The following PIK3R5 variants were observed in gnomAD, a reference collection of about 807,000 sequenced individuals.
PIK3R5 encodes phosphoinositide 3-kinase regulatory subunit 5.
A neutral mutation model predicts 94.9 loss-of-function variants in PIK3R5; 32 were observed. That is an observed-to-expected ratio of 0.34 (90% CI 0.25 to 0.45). The LOEUF is 0.45. Among genes scored for constraint, PIK3R5 ranks in the 20% least tolerant of loss-of-function variants. PIK3R5 has a pLI of 1.00. For missense variants in PIK3R5, 853 were observed against 1,144.6 expected, an observed-to-expected ratio of 0.75 and a Z score of 3.68; for synonymous variants, 443 against 479.4, an observed-to-expected ratio of 0.92 and a Z score of 0.99.
At chr17:8,931,518 C>T (rs1405024299) in intron 1 of PIK3R5, among the ~76,000 whole-genome samples, 1 of 152,116 alleles carries the variant, frequency 6.6e-6, no homozygotes, top group East Asian at 1.9e-4. Context: ...GAAGGCACTT[C>T]CGTTGTTTGA....
At chr17:8,924,626 G>T (rs1170620982) in intron 1 of PIK3R5, among the ~76,000 whole-genome samples, 1 of 152,044 alleles carries the variant, frequency 6.6e-6, no homozygotes, top group African/African-American at 2.4e-5. Context: ...TCCAACAGCA[G>T]GTCATTGTTC....
rs892595710 is a variant in PIK3R5 at position 8,888,015 on chromosome 17, A to AATAATG, written c.1616+155_1616+156insCATTAT. 1.5e-5 allele frequency among the ~76,000 whole-genome samples: 2 copies of AATAATG among 130,144 alleles called. No individual in the cohort carries two copies. The highest frequency in any genetic ancestry group is 7.6e-5 in the Admixed American group (1 of 13,116). The allele number at this position is 130,144 out of a possible 152,430, so 85.4% of individuals were successfully genotyped here. On this transcript the variant is annotated intron_variant, in intron 10 of 18. Transcript: ENST00000447110. This position sits in a 1 kb window ranked among gnomAD's most constrained non-coding sequence, Gnocchi z 7.8. ...GACTCTGTCTCAAAATAATAATAAT[A>AATAATG]ATAATAATAATAATAATAATAATAA...
intron 1 of PIK3R5, among the ~76,000 whole-genome samples, chr17:8,954,051 T>C (rs1212244523): frequency 6.7e-6 from 1 of 149,308 alleles, no homozygotes; most frequent in Non-Finnish European, 1.5e-5. Context: ...AAGTGCTCTT[T>C]CCTCTGCAAA....
chr17:8,950,905 C>A (rs73254505), intron 1 of PIK3R5, among the ~76,000 whole-genome samples: 3 of 152,122 alleles, frequency 2.0e-5, no homozygotes, highest in Non-Finnish European at 4.4e-5. Flanking sequence ...AACTAATTTA[C>A]GCTCCCACCA....
intron 1 of PIK3R5, among the ~76,000 whole-genome samples, chr17:8,929,286 C>T (rs989389255): frequency 1.3e-5 from 2 of 152,008 alleles, no homozygotes; most frequent in African/African-American, 2.4e-5. Context: ...TAAAACATAA[C>T]CCAACCATTT....
At chr17:8,921,825 CT>C (rs969050685) in intron 1 of PIK3R5, among the ~76,000 whole-genome samples, 16 of 152,024 alleles carry the variant, frequency 1.1e-4, no homozygotes, top group Non-Finnish European at 7.4e-5. Flanking sequence ...CTATAAAACT[CT>C]TAGAAGAAAA....
Position 8,890,930 on chromosome 17 carries a change from C to A in PIK3R5, c.483-18G>T. ...GCACGGTGCTGGGGACACAGGGGAC[C>A]GGCTATGGCACCCAGGGGTGCGCAG... On this transcript the variant is annotated intron_variant, in intron 6 of 18. Transcript: ENST00000447110. This position sits in a 1 kb window ranked among gnomAD's most constrained non-coding sequence, Gnocchi z 6.1. The A allele has an allele frequency of 1.2e-6, 2 of 1,610,912 alleles. No homozygotes were observed. The highest frequency in any genetic ancestry group is 1.7e-6 in the Non-Finnish European group (2 of 1,179,168).
At chr17:8,947,066 TGAAG>T (rs1303840577) in intron 1 of PIK3R5, among the ~76,000 whole-genome samples, 1 of 136,094 alleles carries the variant, frequency 7.3e-6, no homozygotes. Flanking sequence ...TGAAGAGGTT[TGAAG>T]GAAGATGAGA....
chr17:8,930,452 G>A (rs1437033856), intron 1 of PIK3R5, among the ~76,000 whole-genome samples: 1 of 152,208 alleles, frequency 6.6e-6, no homozygotes, highest in African/African-American at 2.4e-5. Flanking sequence ...AGTTCAGAGA[G>A]AGAAATTTAT....
chr17:8,942,298 C>T (rs55770849), intron 1 of PIK3R5, among the ~76,000 whole-genome samples: 9,963 of 152,190 alleles, frequency 0.065, 456 homozygotes, highest in East Asian at 0.15. Context: ...CCGGCCTGAC[C>T]CCATCCAGAA....
chr17:8,928,988 G>C (rs1252863145), intron 1 of PIK3R5, among the ~76,000 whole-genome samples: 1 of 152,162 alleles, frequency 6.6e-6, no homozygotes, highest in African/African-American at 2.4e-5. Context: ...GGCAGGTAAA[G>C]GGAAATAAAG....
At chr17:8,930,983 G>C (rs780776994) in intron 1 of PIK3R5, among the ~76,000 whole-genome samples, 1 of 152,154 alleles carries the variant, frequency 6.6e-6, no homozygotes, top group Non-Finnish European at 1.5e-5. Context: ...TCCTGGTTGT[G>C]ATATTGTCGT....
chr17:8,924,691 C>T (rs958742467), intron 1 of PIK3R5, among the ~76,000 whole-genome samples: 2 of 152,156 alleles, frequency 1.3e-5, no homozygotes, highest in Non-Finnish European at 2.9e-5. Flanking sequence ...GAACTCCTGC[C>T]CAATTATGCA....
chr17:8,894,127 G>A (rs1287468618), intron 5 of PIK3R5, among the ~76,000 whole-genome samples: 1 of 152,190 alleles, frequency 6.6e-6, no homozygotes, highest in East Asian at 1.9e-4. Context: ...CCTGGGAAGG[G>A]CCAGATTAGA....
chr17:8,907,187 C>A (rs1292261787), intron 3 of PIK3R5, among the ~76,000 whole-genome samples: 1 of 150,184 alleles, frequency 6.7e-6, no homozygotes, highest in Non-Finnish European at 1.5e-5. Context: ...CCATACCCAG[C>A]TAATTTTTGT....
At chr17:8,913,493 G>A (rs2090569552) in intron 1 of PIK3R5, among the ~76,000 whole-genome samples, 1 of 152,186 alleles carries the variant, frequency 6.6e-6, no homozygotes. Context: ...GATCACTTGA[G>A]GTCAGGATTT....
intron 1 of PIK3R5, among the ~76,000 whole-genome samples, chr17:8,929,069 C>T (rs1293681222): frequency 6.6e-6 from 1 of 151,906 alleles, no homozygotes; most frequent in Non-Finnish European, 1.5e-5. Context: ...TATGCAGTGA[C>T]CATTCAAAAA....
chr17:8,952,005 C>G (rs922533881), intron 1 of PIK3R5, among the ~76,000 whole-genome samples: 3 of 152,240 alleles, frequency 2.0e-5, no homozygotes, highest in Non-Finnish European at 2.9e-5. Context: ...CTTCCCTTCC[C>G]CCTTTCCCCT....
At chr17:8,958,899 A>G (rs1597440184) in intron 1 of PIK3R5, among the ~76,000 whole-genome samples, 1 of 152,194 alleles carries the variant, frequency 6.6e-6, no homozygotes, top group Middle Eastern at 3.4e-3. Flanking sequence ...CTGGGATTAC[A>G]GGCATGTGCC....
Sources: gnomAD v4.1 joint callset for allele counts (sites outside exome capture counted in the v4.1 genomes callset) on GRCh38, gnomAD v4.1.1 for gene constraint, Gnocchi (gnomAD v3.1) non-coding constraint, MANE v1.5 for transcripts, NCBI Gene and HGNC (gene_info 2026-07-23, HGNC 2026-07-21) for gene names.